Variants in NRG2 observed in about 807,000 individuals in gnomAD.
NRG2 encodes the protein pro-neuregulin-2, membrane-bound isoform.
A neutral mutation model predicts 73.9 loss-of-function variants in NRG2; 27 were observed. That is an observed-to-expected ratio of 0.37 (90% confidence interval 0.27 to 0.50). NRG2 has a LOEUF of 0.50. Ranked by LOEUF, NRG2 falls within the 20% of genes least tolerant of loss-of-function variation. The probability of loss-of-function intolerance (pLI) is 0.96; values close to 1 mark genes in which losing one functional copy is unlikely to be tolerated. For synonymous variants in NRG2, 532 were observed against 541.0 expected, an observed-to-expected ratio of 0.98 and a Z score of 0.23; for missense variants, 1,126 against 1,210.1, an observed-to-expected ratio of 0.93 and a Z score of 1.03.
At chr5:139,995,612 T>G (rs546118701) in intron 1 of NRG2, among the ~76,000 whole-genome samples, 2 of 152,228 alleles carry the variant, frequency 1.3e-5, no homozygotes, top group South Asian at 2.1e-4. Context: ...CTTCAGAAAC[T>G]GAGGACCAGA....
At position 139,851,586 on chromosome 5, in the gene NRG2, CAG is replaced by C. The variant is rs754705500; in HGVS notation, c.1772+16_1772+17del. ...CCCTCTGGCTAAGCGGGGAATAGGTCAGGGGGTAGGAACTGACCTCTCGCTGT... is the reference window on the plus strand; with the variant it reads ...CCCTCTGGCTAAGCGGGGAATAGGTCGGGGTAGGAACTGACCTCTCGCTGT... On this transcript the variant is annotated intron_variant, in intron 9 of 9. Transcript: ENST00000361474. The surrounding 1 kb of genome is among the most constrained non-coding windows in gnomAD (Gnocchi z 4.2). 1.9e-5 allele frequency: 30 copies of C among 1,611,988 alleles called. No homozygotes were observed. Among genetic ancestry groups the C allele is most frequent in the Admixed American group, 5.0e-5 (3 of 59,994 alleles).
intron 1 of NRG2, among the ~76,000 whole-genome samples, chr5:139,981,795 T>G (rs1756820083): frequency 6.6e-6 from 1 of 152,240 alleles, no homozygotes; most frequent in African/African-American, 2.4e-5. Flanking sequence ...CTGTGGGCTT[T>G]GTAGACAGAG....
chr5:140,003,897 A>G (rs1285441291), intron 1 of NRG2, among the ~76,000 whole-genome samples: 1 of 152,200 alleles, frequency 6.6e-6, no homozygotes, highest in East Asian at 1.9e-4. Flanking sequence ...TGTAAGTCCT[A>G]CCTTCAACAT....
At chr5:139,928,312 G>A (rs1752212930) in intron 1 of NRG2, among the ~76,000 whole-genome samples, 1 of 152,116 alleles carries the variant, frequency 6.6e-6, no homozygotes, top group Admixed American at 6.5e-5. Flanking sequence ...CTGCAGCAAT[G>A]AATATAGTGT....
chr5:139,852,580 C>T lies in NRG2; in HGVS notation c.1417-21G>A, dbSNP rs750114601. ...ATATACTGGAACAGACAGAGTTGGG[C>T]GAGAGTTAGTGACTGGGGCCCAAAT... On this transcript the variant is annotated intron_variant, in intron 7 of 9. Transcript: ENST00000361474. This position sits in a 1 kb window ranked among gnomAD's most constrained non-coding sequence, Gnocchi z 4.4. 4.8e-5 allele frequency: 78 copies of T among 1,609,670 alleles called. No homozygotes were observed. The highest frequency in any genetic ancestry group is 8.0e-5 in the African/African-American group (6 of 74,818).
intron 1 of NRG2, among the ~76,000 whole-genome samples, chr5:140,011,108 A>G (rs1759328466): frequency 6.6e-6 from 1 of 152,264 alleles, no homozygotes; most frequent in African/African-American, 2.4e-5. Context: ...TGTTACAAAG[A>G]GTAAAGACTA....
chr5:139,890,630 C>T (rs1561659316), intron 1 of NRG2, among the ~76,000 whole-genome samples: 1 of 151,990 alleles, frequency 6.6e-6, no homozygotes, highest in East Asian at 1.9e-4. Flanking sequence ...CTCTGGAGTC[C>T]CCAGTCATTG....
chr5:139,872,524 G>A (rs1762930940), intron 3 of NRG2, among the ~76,000 whole-genome samples: 1 of 152,116 alleles, frequency 6.6e-6, no homozygotes. Flanking sequence ...CCCCACCCCA[G>A]ACAGCCCCCT....
intron 1 of NRG2, among the ~76,000 whole-genome samples, chr5:139,973,356 T>C (rs1423062229): frequency 1.3e-5 from 2 of 152,060 alleles, no homozygotes; most frequent in Non-Finnish European, 2.9e-5. Flanking sequence ...CTTCCTTATA[T>C]CCTCATATAC....
intron 1 of NRG2, among the ~76,000 whole-genome samples, chr5:139,981,184 A>G (rs1321300943): frequency 6.6e-6 from 1 of 152,188 alleles, no homozygotes; most frequent in Non-Finnish European, 1.5e-5. Context: ...CTGAGTGCAG[A>G]GCGATTGCTC....
intron 1 of NRG2, among the ~76,000 whole-genome samples, chr5:139,975,817 G>T (rs1355034216): frequency 1.3e-5 from 2 of 152,178 alleles, no homozygotes; most frequent in African/African-American, 4.8e-5. Context: ...GGCTGAACAT[G>T]CTTTTCAGCA....
At chr5:140,030,118 C>T (rs190254543) in intron 1 of NRG2, among the ~76,000 whole-genome samples, 2 of 152,290 alleles carry the variant, frequency 1.3e-5, no homozygotes, top group East Asian at 3.9e-4. Context: ...CACTATTGAT[C>T]GCCCTTTTCT....
intron 1 of NRG2, among the ~76,000 whole-genome samples, chr5:139,999,642 G>A (rs1758283794): frequency 1.3e-5 from 2 of 152,190 alleles, no homozygotes; most frequent in African/African-American, 4.8e-5. Flanking sequence ...TTTCCCCACT[G>A]TGCAGTGTCC....
At chr5:139,892,097 G>T (rs1447434282) in intron 1 of NRG2, among the ~76,000 whole-genome samples, 1 of 152,212 alleles carries the variant, frequency 6.6e-6, no homozygotes, top group African/African-American at 2.4e-5. Context: ...TGATTTGAAA[G>T]TTGAAAGCCA....
intron 1 of NRG2, among the ~76,000 whole-genome samples, chr5:139,944,651 C>T (rs1299034435): frequency 1.3e-5 from 2 of 152,110 alleles, no homozygotes; most frequent in Admixed American, 6.5e-5. Flanking sequence ...TCTTTGTTCA[C>T]TCATCTATTG....
chr5:139,872,390 G>C (rs554436499), intron 3 of NRG2, among the ~76,000 whole-genome samples: 2 of 152,102 alleles, frequency 1.3e-5, no homozygotes, highest in African/African-American at 2.4e-5. Context: ...AGAGATGTTG[G>C]GGGTAGGAGG....
intron 3 of NRG2, among the ~76,000 whole-genome samples, chr5:139,880,576 T>C (rs1763467618): frequency 6.6e-6 from 1 of 152,172 alleles, no homozygotes; most frequent in Admixed American, 6.5e-5. Context: ...TCTAAAAATA[T>C]CCTTTCCCCA....
intron 1 of NRG2, among the ~76,000 whole-genome samples, chr5:139,927,181 C>T (rs182910552): frequency 8.1e-4 from 124 of 152,278 alleles, no homozygotes; most frequent in Non-Finnish European, 1.4e-3. Context: ...CCAAGAAGAA[C>T]CTAATACAAG....
At chr5:139,968,313 G>A (rs1053558006) in intron 1 of NRG2, among the ~76,000 whole-genome samples, 2 of 152,242 alleles carry the variant, frequency 1.3e-5, no homozygotes, top group Non-Finnish European at 2.9e-5. Flanking sequence ...CCTCCGTGGT[G>A]GGCCCGGAGC....
Sources: allele counts gnomAD v4.1 joint callset (sites outside exome capture counted in the v4.1 genomes callset), GRCh38; gene constraint gnomAD v4.1.1; non-coding constraint Gnocchi (gnomAD v3.1); transcripts MANE v1.5; gene names NCBI Gene and HGNC (gene_info 2026-07-23, HGNC 2026-07-21).